Variants in TRIT1 observed in about 807,000 individuals in gnomAD.
TRIT1 encodes tRNA isopentenyltransferase 1, also known as tRNA dimethylallyltransferase.
A neutral mutation model predicts 51.2 loss-of-function variants in TRIT1; 43 were observed. That is an observed-to-expected ratio of 0.84 (90% confidence interval 0.66 to 1.08). TRIT1 has a LOEUF of 1.08. Among genes scored for constraint, TRIT1 ranks in the 50% least tolerant of loss-of-function variants. TRIT1 has a pLI of 0.00. For synonymous variants in TRIT1, 184 were observed against 203.9 expected (o/e 0.90, Z 0.83); for missense variants, 528 against 578.4 (o/e 0.91, Z 0.89).
intron 1 of TRIT1, among the ~76,000 whole-genome samples, chr1:39,867,035 T>C (rs1643595855): frequency 6.6e-6 from 1 of 152,142 alleles, no homozygotes; most frequent in South Asian, 2.1e-4. Context: ...GTTGAGTCAG[T>C]GTGATGAGAC....
intron 1 of TRIT1, among the ~76,000 whole-genome samples, chr1:39,867,942 A>G (rs968530223): frequency 6.6e-6 from 1 of 151,886 alleles, no homozygotes; most frequent in African/African-American, 2.4e-5. Flanking sequence ...GAACCCCTTC[A>G]AGATTCTTTT....
intron 1 of TRIT1, among the ~76,000 whole-genome samples, chr1:39,868,164 T>A (rs776165047): frequency 8.6e-5 from 13 of 151,264 alleles, no homozygotes; most frequent in Non-Finnish European, 1.6e-4. Flanking sequence ...GCCAGGATGG[T>A]CTCGATCTCC....
At chr1:39,849,542 C>T (rs1156318531) in intron 5 of TRIT1, among the ~76,000 whole-genome samples, 1 of 152,176 alleles carries the variant, frequency 6.6e-6, no homozygotes. Flanking sequence ...AATAGACAGA[C>T]AGATAGTATC....
intron 10 of TRIT1, 107 bp downstream of exon 10, chr1:39,843,994 T>C (rs1325134319): frequency 4.1e-6 from 3 of 735,792 alleles, no homozygotes; most frequent in African/African-American, 1.8e-5. Context: ...AGCTGTCCCT[T>C]TACAAATAAA....
chr1:39,841,710 C>T lies in TRIT1; in HGVS notation c.*34G>A. On this transcript the variant is annotated 3_prime_UTR_variant, in exon 11 of 11. Coordinates refer to ENST00000316891, the MANE Select transcript of TRIT1 (RefSeq NM_017646.6). ...TACCCCTCCCTCCTGAACTGGATCC[C>T]CACCACCTTTCCAAAGGCCACTGGA... 1 of 1,586,600 alleles carries T rather than the reference C, an allele frequency of 6.3e-7. No homozygotes were observed. The highest frequency in any genetic ancestry group is 8.6e-7 in the Non-Finnish European group (1 of 1,167,378).
In TRIT1 at chr1:39,844,123, G is replaced by T. The variant is rs1642080790; in HGVS notation, c.1212C>A (p.Ile404=). 1 of 1,613,860 alleles carries T rather than the reference G, an allele frequency of 6.2e-7. No individual in the cohort carries two copies. The highest frequency in any genetic ancestry group is 1.3e-5 in the African/African-American group (1 of 74,918). Reference sequence around the variant, plus strand: ...TACCTGCCCATTCGCGATCCCCAATGATGATTCGATCACAGAGGTCACACA... The same window carrying T: ...TACCTGCCCATTCGCGATCCCCAATTATGATTCGATCACAGAGGTCACACA... The part of the protein sequence containing the change: ...YHLCDLCDRI[I]IGDREWAAHI... The change falls in exon 10 of 11, where the codon ATC becomes ATA. Residue 404 remains isoleucine, a synonymous_variant. Coordinates refer to ENST00000316891, the MANE Select transcript of TRIT1 (RefSeq NM_017646.6).
In TRIT1 at chr1:39,866,499, G is replaced by C. The variant is rs192522912; in HGVS notation, c.175-9082C>G. ...AAGAGATGTTGAAGAGTACGGGAAA[G>C]GCTGATTTCTTGACTCACTTTACTT... On this transcript the variant is annotated intron_variant, in intron 1 of 10. Transcript: ENST00000316891. Among the ~76,000 whole-genome samples the C allele has an allele frequency of 5.9e-5, 9 of 152,282 alleles. No homozygotes were observed. The East Asian group carries it at 1.7e-3, about 29-fold the overall frequency.
chr1:39,858,265 T>C (rs371628999), intron 1 of TRIT1, among the ~76,000 whole-genome samples: 2 of 152,188 alleles, frequency 1.3e-5, no homozygotes, highest in South Asian at 2.1e-4. Context: ...TTATCTCACG[T>C]TTCCCTTTAC....
chr1:39,850,047 C>A, intron 5 of TRIT1, 72 bp downstream of exon 5: 3 of 1,534,080 alleles, frequency 2.0e-6, no homozygotes, highest in South Asian at 1.2e-5. Flanking sequence ...TGGTTCTCAG[C>A]ATTTTCTATA....
intron 1 of TRIT1, among the ~76,000 whole-genome samples, chr1:39,866,484 GAA>G (rs1643562795): frequency 6.6e-6 from 1 of 152,228 alleles, no homozygotes; most frequent in Non-Finnish European, 1.5e-5. Flanking sequence ...AAGAGATGTT[GAA>G]GAGTACGGGA....
In TRIT1 at chr1:39,861,333, T is replaced by C. The variant is rs188849173; in HGVS notation, c.175-3916A>G. ...GAGTTCAAAATCAACCTAGGCAACA[T>C]AACGAGACCCGATCTCTAGAACTTA... On this transcript the variant is annotated intron_variant, in intron 1 of 10. Transcript: ENST00000316891. Among the ~76,000 whole-genome samples the C allele has an allele frequency of 1.6e-3, 240 of 152,058 alleles. 2 individuals are homozygous for C. Among genetic ancestry groups the C allele is most frequent in the African/African-American group, 5.4e-3 (224 of 41,496 alleles).
intron 3 of TRIT1, among the ~76,000 whole-genome samples, chr1:39,853,279 C>T (rs1173367597): frequency 6.6e-6 from 1 of 152,164 alleles, no homozygotes; most frequent in African/African-American, 2.4e-5. Context: ...TTGGACATCT[C>T]CCTAATATAC....
chr1:39,871,699 T>A lies in TRIT1; in HGVS notation c.174+11619A>T, dbSNP rs542756107. 3.3e-5 allele frequency among the ~76,000 whole-genome samples: 5 copies of A among 152,020 alleles called. No homozygotes were observed. The South Asian group carries it at 8.3e-4, about 25-fold the overall frequency. Reference sequence around the variant, plus strand: ...AGACATTCTGGAAAAGGCAAAACAATAGGGATGGAAAACAGGTAAGTTGTT... The same window carrying A: ...AGACATTCTGGAAAAGGCAAAACAAAAGGGATGGAAAACAGGTAAGTTGTT... On this transcript the variant is annotated intron_variant, in intron 1 of 10. Transcript: ENST00000316891.
chr1:39,881,253 G>T (rs1339760726), intron 1 of TRIT1, among the ~76,000 whole-genome samples: 1 of 148,062 alleles, frequency 6.8e-6, no homozygotes. Flanking sequence ...AAAGAAGAAA[G>T]AAATGATAGA....
At position 39,847,982 on chromosome 1, in the gene TRIT1, T is replaced by C. The variant is rs1463319643; in HGVS notation, c.815+4A>G. ...GTAGGTCAGAATAACAGCCAAATCC[T>C]CACCTATTTTCCGAAACATTCTTCT... On this transcript the variant is annotated splice_donor_region_variant and intron_variant, in intron 6 of 10. Transcript: ENST00000316891. 6.2e-7 allele frequency: 1 copy of C among 1,612,192 alleles called. No individual in the cohort carries two copies. Among genetic ancestry groups the C allele is most frequent in the African/African-American group, 1.3e-5 (1 of 74,898 alleles).
At chr1:39,869,437 T>C (rs1336007411) in intron 1 of TRIT1, among the ~76,000 whole-genome samples, 1 of 152,218 alleles carries the variant, frequency 6.6e-6, no homozygotes, top group Admixed American at 6.5e-5. Flanking sequence ...TGCAGTGTTG[T>C]GATCTTGGCT....
intron 3 of TRIT1, among the ~76,000 whole-genome samples, chr1:39,853,287 T>A (rs1483212243): frequency 6.6e-6 from 1 of 152,190 alleles, no homozygotes; most frequent in Non-Finnish European, 1.5e-5. Flanking sequence ...CTCCCTAATA[T>A]ACATACTGTG....
intron 1 of TRIT1, chr1:39,862,851 G>C: frequency 3.0e-6 from 3 of 985,398 alleles, no homozygotes; most frequent in Non-Finnish European, 3.6e-6. Flanking sequence ...TGAATGCTGG[G>C]AAGAGCCAAA....
intron 1 of TRIT1, among the ~76,000 whole-genome samples, chr1:39,877,777 G>C (rs1644121627): frequency 4.6e-5 from 7 of 152,170 alleles, no homozygotes; most frequent in Admixed American, 4.6e-4. Context: ...CTCTACAAAT[G>C]AGTTAGAAGA....
Sources: allele counts gnomAD v4.1 joint callset (sites outside exome capture counted in the v4.1 genomes callset), GRCh38; gene constraint gnomAD v4.1.1; transcripts MANE v1.5; gene names NCBI Gene and HGNC (gene_info 2026-07-23, HGNC 2026-07-21).